THADA: variants seen among roughly 807,000 people sequenced by gnomAD.
THADA encodes THADA armadillo repeat containing, also known as tRNA (32-2'-O)-methyltransferase regulator THADA.
THADA carries 213 observed loss-of-function variants against 219.8 expected under a neutral mutation model. The observed-to-expected ratio is 0.97, with a 90% CI of 0.87 to 1.09. The LOEUF (loss-of-function observed/expected upper bound fraction) is 1.09, where lower values mean the gene tolerates loss of function less well. Among genes scored for constraint, THADA ranks in the 50% least tolerant of loss-of-function variants. THADA has a pLI of 0.00. For synonymous variants in THADA, 1,018 were observed against 828.9 expected, an observed-to-expected ratio of 1.23 and a Z score of -3.92; for missense variants, 2,956 against 2,311.3, an observed-to-expected ratio of 1.28 and a Z score of -5.72.
At chr2:43,511,622 G>A (rs1338887450) in intron 22 of THADA, among the ~76,000 whole-genome samples, 1 of 141,670 alleles carries the variant, frequency 7.1e-6, no homozygotes, top group East Asian at 1.9e-4. Context: ...TAGTAAGACT[G>A]TTTTTTGCTG....
Position 43,577,115 on chromosome 2 carries a change from A to T in THADA, c.944T>A (p.Leu315His). The T allele has an allele frequency of 6.2e-7, 1 of 1,613,318 alleles. No homozygotes were observed. The highest frequency in any genetic ancestry group is 8.5e-7 in the Non-Finnish European group (1 of 1,179,672). ...SAVLFLCQGTLAMLDWQNGSM... is the reference protein window; with the variant it reads ...SAVLFLCQGTHAMLDWQNGSM... Reference sequence around the variant, plus strand: ...TCCGTTCTGCCAGTCCAACATGGCAAGTGTCCCCTGACAGAGGAATAAGAC... The same window carrying T: ...TCCGTTCTGCCAGTCCAACATGGCATGTGTCCCCTGACAGAGGAATAAGAC... The change falls in exon 10 of 38, where the codon CTT becomes CAT. Residue 315 changes from leucine (L) to histidine (H), a missense_variant. Physicochemically the swap from Leu to His is moderately conservative, Grantham distance 99. Transcript: ENST00000405975.
At chr2:43,547,408 T>C (rs1315495602) in intron 20 of THADA, among the ~76,000 whole-genome samples, 1 of 152,246 alleles carries the variant, frequency 6.6e-6, no homozygotes, top group Non-Finnish European at 1.5e-5. Flanking sequence ...AATCTGAATG[T>C]TGGCCTGCCT....
intron 29 of THADA, among the ~76,000 whole-genome samples, chr2:43,394,117 A>AGCCTTTATTGAGATTTAAT (rs1673737537): frequency 6.6e-6 from 1 of 152,212 alleles, no homozygotes; most frequent in African/African-American, 2.4e-5. Context: ...GCTCTTATCT[A>AGCCTTTATTGAGATTTAAT]GCCTTTATTG....
intron 29 of THADA, among the ~76,000 whole-genome samples, chr2:43,377,226 T>C (rs1261949812): frequency 2.0e-5 from 3 of 152,160 alleles, no homozygotes; most frequent in African/African-American, 7.2e-5. Context: ...TAGATAACGG[T>C]CCTTTCCTAC....
intron 26 of THADA, among the ~76,000 whole-genome samples, chr2:43,448,471 T>C (rs920765007): frequency 6.6e-6 from 1 of 152,020 alleles, no homozygotes; most frequent in Admixed American, 6.5e-5. Context: ...CAGCCATTGT[T>C]GCAACCCTCT....
chr2:43,517,979 G>A (rs999607958), intron 22 of THADA, among the ~76,000 whole-genome samples: 19 of 152,284 alleles, frequency 1.2e-4, no homozygotes, highest in African/African-American at 4.3e-4. Context: ...AAAAGGTGCT[G>A]CTTCTTGCCA....
At chr2:43,384,525 T>C (rs915904269) in intron 29 of THADA, among the ~76,000 whole-genome samples, 4 of 152,268 alleles carry the variant, frequency 2.6e-5, no homozygotes, top group Non-Finnish European at 5.9e-5. Flanking sequence ...ATGTACATAC[T>C]GAACACACAT....
rs990874222 is a variant in THADA at position 43,404,242 on chromosome 2, G to C, written c.4059-6103C>G. On this transcript the variant is annotated intron_variant, in intron 28 of 37. Transcript: ENST00000405975. The stretch of plus-strand genomic sequence containing the variant: ...GGGTCTCGCTCTGTCACTCAGGCTG[G>C]AGTTCAGTGGTTTGATCATAGCTCA... Among the ~76,000 whole-genome samples the C allele has an allele frequency of 3.3e-5, 5 of 152,096 alleles. No homozygotes were observed. The South Asian group carries it at 6.2e-4, about 19-fold the overall frequency.
At chr2:43,491,881 C>T (rs1336934837) in intron 25 of THADA, among the ~76,000 whole-genome samples, 1 of 152,154 alleles carries the variant, frequency 6.6e-6, no homozygotes, top group Non-Finnish European at 1.5e-5. Context: ...CCATCAAGCC[C>T]TAAATACATG....
intron 25 of THADA, among the ~76,000 whole-genome samples, chr2:43,489,834 T>C (rs1447828276): frequency 6.8e-6 from 1 of 147,580 alleles, no homozygotes; most frequent in Admixed American, 6.8e-5. Context: ...GTTTTGGCTA[T>C]TATGGGTCCC....
At chr2:43,568,441 C>G (rs146912669) in intron 14 of THADA, among the ~76,000 whole-genome samples, 22 of 152,118 alleles carry the variant, frequency 1.4e-4, no homozygotes, top group Non-Finnish European at 2.5e-4. Flanking sequence ...AAGGTCACAA[C>G]CTCTAAAAGC....
At chr2:43,583,907 G>T (rs1213806867) in intron 7 of THADA, among the ~76,000 whole-genome samples, 2 of 151,908 alleles carry the variant, frequency 1.3e-5, no homozygotes, top group African/African-American at 4.8e-5. Context: ...GGGCATAGTG[G>T]CGGACGTCTG....
intron 15 of THADA, chr2:43,562,105 T>C (rs1410314497): frequency 6.6e-6 from 1 of 152,228 alleles, no homozygotes; most frequent in Non-Finnish European, 1.5e-5. Flanking sequence ...CACTTACTAA[T>C]GGTATATAAC....
chr2:43,428,431 A>C (rs942714465), intron 27 of THADA, among the ~76,000 whole-genome samples, 200 bp from the exon 28 acceptor site: 3 of 152,142 alleles, frequency 2.0e-5, no homozygotes, highest in Non-Finnish European at 4.4e-5. Flanking sequence ...AATACAGTAA[A>C]ACCTCATCTC....
chr2:43,428,260 A>T, intron 27 of THADA, 29 bp from the exon 28 acceptor site: 1 of 1,561,586 alleles, frequency 6.4e-7, no homozygotes, highest in Non-Finnish European at 8.7e-7. Flanking sequence ...CACATGAAAG[A>T]TTTCACATTT....
At chr2:43,342,018 C>A (rs1400226184) in intron 30 of THADA, among the ~76,000 whole-genome samples, 1 of 152,170 alleles carries the variant, frequency 6.6e-6, no homozygotes, top group African/African-American at 2.4e-5. Flanking sequence ...CGAGACCAGC[C>A]TGGGCAATCT....
At chr2:43,490,673 T>G in intron 25 of THADA, among the ~76,000 whole-genome samples, 1 of 152,178 alleles carries the variant, frequency 6.6e-6, no homozygotes, top group East Asian at 1.9e-4. Flanking sequence ...TGTGGTATAG[T>G]ACACTAACGT....
chr2:43,582,568 G>A lies in THADA; in HGVS notation c.534-640C>T, dbSNP rs565717512. ...AACATTGATATATTTTCCCTCCCTG[G>A]CTTTTTTTTTTTTTTTTGAGACAGA... On this transcript the variant is annotated intron_variant, in intron 7 of 37. Coordinates refer to ENST00000405975, the MANE Select transcript of THADA (RefSeq NM_022065.5). 6.7e-4 allele frequency among the ~76,000 whole-genome samples: 87 copies of A among 130,428 alleles called. No individual in the cohort carries two copies. The East Asian group carries it at 0.015, about 22-fold the overall frequency. 85.6% of individuals were successfully genotyped at this position (130,428 alleles called of 152,430 possible).
At chr2:43,515,380 A>T (rs1339195076) in intron 22 of THADA, among the ~76,000 whole-genome samples, 7 of 80,098 alleles carry the variant, frequency 8.7e-5, no homozygotes, top group African/African-American at 2.3e-4. Context: ...TATAATATAT[A>T]ATATTTTATA....
Sources: allele counts gnomAD v4.1 joint callset (sites outside exome capture counted in the v4.1 genomes callset), GRCh38; gene constraint gnomAD v4.1.1; transcripts MANE v1.5; gene names NCBI Gene and HGNC (gene_info 2026-07-23, HGNC 2026-07-21).